ANKIB1: variants seen among roughly 807,000 people sequenced by gnomAD.
ANKIB1 encodes the protein ankyrin repeat and IBR domain containing 1, also known as ankyrin repeat and IBR domain-containing protein 1.
A neutral mutation model predicts 122.1 loss-of-function variants in ANKIB1; 43 were observed. The ratio of observed to expected loss-of-function variants is 0.35; its 90% CI spans 0.28 to 0.45. ANKIB1 has a LOEUF of 0.45. Ranked by LOEUF, ANKIB1 falls within the 20% of genes least tolerant of loss-of-function variation. ANKIB1 has a pLI of 1.00. For synonymous variants in ANKIB1, 390 were observed against 442.0 expected (o/e 0.88, Z 1.48); for missense variants, 992 against 1,329.5 (o/e 0.75, Z 3.95).
intron 4 of ANKIB1, 73 bp from the exon 5 acceptor site, chr7:92,327,710 A>G: frequency 2.9e-6 from 2 of 686,920 alleles, no homozygotes; most frequent in Non-Finnish European, 4.5e-6. Context: ...CTGACTATAT[A>G]TTGTTTATAG....
Position 92,400,635 on chromosome 7 carries a change from C to A in ANKIB1, c.*1686C>A, listed in dbSNP as rs949650091. On this transcript the variant is annotated 3_prime_UTR_variant, in exon 20 of 20. Transcript: ENST00000265742. ...TTGAAATATCCTTGTACTTAAAATT[C>A]ATATTGCTAAGACACTGTATTAGAA... 36 of 151,542 alleles carry A rather than the reference C, an allele frequency of 2.4e-4. No individual in the cohort carries two copies. The highest frequency in any genetic ancestry group is 8.7e-4 in the African/African-American group (36 of 41,288). 9.4% of individuals were successfully genotyped at this position (151,542 alleles called of 1,614,324 possible). A position where few individuals can be genotyped will look rare whatever the true frequency, so the allele number is the denominator to read the frequency against.
chr7:92,323,621 CAAGTA>C (rs1303225949), intron 4 of ANKIB1, among the ~76,000 whole-genome samples: 9 of 152,072 alleles, frequency 5.9e-5, no homozygotes, highest in Non-Finnish European at 1.2e-4. Flanking sequence ...CTTTCATACT[CAAGTA>C]AATACCTATA....
rs769773324 is a variant in ANKIB1, at chr7:92,380,651, C to T, written c.1618-5858C>T. On this transcript the variant is annotated intron_variant, in intron 11 of 19. Coordinates refer to ENST00000265742, the MANE Select transcript of ANKIB1 (RefSeq NM_019004.2). ...TGGACCTCAAGCAAACTCCAACAGA[C>T]CTGCAGCTGAGGGTCCTGTTAGAAG... 4.6e-5 allele frequency among the ~76,000 whole-genome samples: 7 copies of T among 152,164 alleles called. 1 individual carries two copies. The highest frequency in any genetic ancestry group is 7.4e-5 in the Non-Finnish European group (5 of 68,024).
At chr7:92,297,073 T>C (rs185845388) in intron 2 of ANKIB1, among the ~76,000 whole-genome samples, 2 of 152,372 alleles carry the variant, frequency 1.3e-5, no homozygotes, top group East Asian at 1.9e-4. Context: ...TATTGAGGGC[T>C]TACTGTTTAA....
intron 1 of ANKIB1, among the ~76,000 whole-genome samples, chr7:92,283,255 A>G (rs900107868): frequency 6.6e-6 from 1 of 152,162 alleles, no homozygotes; most frequent in African/African-American, 2.4e-5. Context: ...AGAAAAGTGA[A>G]TTTTAATTCT....
In ANKIB1 at chr7:92,387,782, G is replaced by T; in HGVS notation, c.1753-16G>T. ...CTAGTTTTTATAAAAGTCATTTGTG[G>T]ACTTTTGTTTTCTAGGCTGAGAAAA... On this transcript the variant is annotated splice_polypyrimidine_tract_variant and intron_variant, in intron 12 of 19. Transcript: ENST00000265742. 6.3e-7 allele frequency: 1 copy of T among 1,593,322 alleles called. No individual in the cohort carries two copies. The highest frequency in any genetic ancestry group is 1.2e-5 in the South Asian group (1 of 86,706).
intron 3 of ANKIB1, among the ~76,000 whole-genome samples, chr7:92,310,951 AGTAT>A (rs1379811041): frequency 6.6e-6 from 1 of 152,206 alleles, no homozygotes; most frequent in Non-Finnish European, 1.5e-5. Context: ...CTTAATTCTT[AGTAT>A]GAGTCTCTAG....
chr7:92,284,792 A>G (rs768866555), intron 1 of ANKIB1, among the ~76,000 whole-genome samples: 1 of 152,168 alleles, frequency 6.6e-6, no homozygotes, highest in Non-Finnish European at 1.5e-5. Flanking sequence ...GATTGCGTAG[A>G]GATTAGATGT....
intron 1 of ANKIB1, among the ~76,000 whole-genome samples, chr7:92,280,453 C>A (rs1180544813): frequency 6.7e-6 from 1 of 149,672 alleles, no homozygotes; most frequent in Non-Finnish European, 1.5e-5. Context: ...GGAGGGCACC[C>A]CCCCCCCCTT....
chr7:92,352,530 A>G lies in ANKIB1; in HGVS notation c.1285A>G (p.Arg429Gly). The stretch of plus-strand genomic sequence containing the variant: ...ATGGTGTCCTACTCCAGGCTGTGAC[A>G]GAGCAGTAAGACTAACGAAACAAGG... Reference protein sequence around the residue: ...IKWCPTPGCDRAVRLTKQGSN... With the variant: ...IKWCPTPGCDGAVRLTKQGSN... Residue 429 changes from arginine (R) to glycine (G), a missense_variant, in exon 9 of 20, where the codon AGA (arginine) becomes GGA (glycine). By Grantham distance (125) the Arg-to-Gly change is moderately radical. This residue lies in a region of ANKIB1 where 521 missense variants were observed against 777.7 expected (regional missense o/e 0.67). Transcript: ENST00000265742. 6.2e-7 allele frequency: 1 copy of G among 1,613,856 alleles called. No individual in the cohort carries two copies. Among genetic ancestry groups the G allele is most frequent in the South Asian group, 1.1e-5 (1 of 91,044 alleles).
chr7:92,256,420 A>G (rs1169636722), intron 1 of ANKIB1, among the ~76,000 whole-genome samples: 3 of 152,270 alleles, frequency 2.0e-5, no homozygotes, highest in African/African-American at 7.2e-5. Flanking sequence ...TTTATCTAAT[A>G]CATTAAAATC....
At chr7:92,321,915 A>G (rs570479312) in intron 4 of ANKIB1, among the ~76,000 whole-genome samples, 2 of 152,220 alleles carry the variant, frequency 1.3e-5, no homozygotes, top group African/African-American at 2.4e-5. Flanking sequence ...GGCCCTTCAC[A>G]TGGTTATTTA....
At chr7:92,284,199 C>A (rs1023222545) in intron 1 of ANKIB1, among the ~76,000 whole-genome samples, 1 of 152,090 alleles carries the variant, frequency 6.6e-6, no homozygotes, top group Non-Finnish European at 1.5e-5. Flanking sequence ...TTTATAACAA[C>A]GCACAGAATA....
In ANKIB1 at chr7:92,399,682, A is replaced by T. The variant is rs1427292081; in HGVS notation, c.*733A>T. 1 of 152,232 alleles carries T rather than the reference A, an allele frequency of 6.6e-6. No homozygotes were observed. Among genetic ancestry groups the T allele is most frequent in the Non-Finnish European group, 1.5e-5 (1 of 68,042 alleles). 9.4% of individuals were successfully genotyped at this position (152,232 alleles called of 1,614,324 possible). On this transcript the variant is annotated 3_prime_UTR_variant, in exon 20 of 20. Transcript: ENST00000265742. ...TTGGTAGCAATGATATTCCAGAATT[A>T]AATGGGTTTTTGTTGCCATGGAGAC...
chr7:92,284,734 A>C (rs1802082246), intron 1 of ANKIB1, among the ~76,000 whole-genome samples: 1 of 151,810 alleles, frequency 6.6e-6, no homozygotes, highest in African/African-American at 2.4e-5. Flanking sequence ...GTATTGTCCT[A>C]AATGGAACTT....
At chr7:92,338,939 T>A (rs1409904881) in intron 5 of ANKIB1, among the ~76,000 whole-genome samples, 1,727 of 24,966 alleles carry the variant, frequency 0.069, 111 homozygotes, top group African/African-American at 0.11. Context: ...AAAAAATATA[T>A]ATATATATAT....
At position 92,343,978 on chromosome 7, in the gene ANKIB1, A is replaced by C. The variant is rs182191896; in HGVS notation, c.996+746A>C. Among the ~76,000 whole-genome samples, 396 of 152,212 alleles carry C rather than the reference A, an allele frequency of 2.6e-3. 3 individuals are homozygous for C. The highest frequency in any genetic ancestry group is 3.9e-3 in the Non-Finnish European group (267 of 68,004). On this transcript the variant is annotated intron_variant, in intron 6 of 19. Coordinates refer to ENST00000265742, the MANE Select transcript of ANKIB1 (RefSeq NM_019004.2). ...TTTCTTGAATGACTCAGCCACTCAAAATATGTGATAAATATGAAAGTGCTT... is the reference window on the plus strand; with the variant it reads ...TTTCTTGAATGACTCAGCCACTCAACATATGTGATAAATATGAAAGTGCTT...
At chr7:92,295,417 C>A (rs1360344168) in intron 2 of ANKIB1, among the ~76,000 whole-genome samples, 1 of 151,560 alleles carries the variant, frequency 6.6e-6, no homozygotes, top group Non-Finnish European at 1.5e-5. Flanking sequence ...TGAATTAGTC[C>A]AAAGCTTTTA....
intron 2 of ANKIB1, among the ~76,000 whole-genome samples, chr7:92,298,738 T>TCAC (rs1174157842): frequency 6.7e-6 from 1 of 150,372 alleles, no homozygotes; most frequent in Non-Finnish European, 1.5e-5. Context: ...TTAGTAATCA[T>TCAC]TGTATTCATC....
Sources: gnomAD v4.1 joint callset for allele counts (sites outside exome capture counted in the v4.1 genomes callset) on GRCh38, gnomAD v4.1.1 for gene constraint, gnomAD v4.1.1 regional missense constraint, MANE v1.5 for transcripts, NCBI Gene and HGNC (gene_info 2026-07-23, HGNC 2026-07-21) for gene names.